The following LONP2 variants were observed in gnomAD, a reference collection of about 807,000 sequenced individuals.
LONP2 encodes lon protease homolog 2, peroxisomal.
In LONP2, 60 loss-of-function variants were observed where a neutral mutation model predicts 85.6. The observed-to-expected ratio is 0.70, with a 90% confidence interval of 0.57 to 0.87. The LOEUF is 0.87. Among genes scored for constraint, LONP2 ranks in the 40% least tolerant of loss-of-function variants. The pLI is 0.00. For missense variants in LONP2, 860 were observed against 1,063.5 expected, an observed-to-expected ratio of 0.81 and a Z score of 2.66; for synonymous variants, 395 against 389.7, an observed-to-expected ratio of 1.01 and a Z score of -0.16.
rs1201905699 is a variant in LONP2 at position 48,362,416 on chromosome 16, T to G, written c.*553T>G. On this transcript the variant is annotated 3_prime_UTR_variant, in exon 5 of 5. Coordinates refer to the LONP2 transcript ENST00000565867. This position sits in a 1 kb window ranked among gnomAD's most constrained non-coding sequence, Gnocchi z 4.2. ...GTACCGGTAGGTAATGCTGTAGCAG[T>G]CTGACGGCTCATTTCTGAAATAAAT... 1.2e-5 allele frequency: 19 copies of G among 1,613,976 alleles called. No individual in the cohort carries two copies. Among genetic ancestry groups the G allele is most frequent in the Non-Finnish European group, 1.4e-5 (17 of 1,179,980 alleles).
intron 11 of LONP2, among the ~76,000 whole-genome samples, chr16:48,331,489 T>C (rs902719989): frequency 2.0e-5 from 3 of 152,194 alleles, no homozygotes; most frequent in African/African-American, 7.2e-5. Flanking sequence ...AGAGGTACAA[T>C]TATGAGAATA....
chr16:48,296,100 C>T lies in LONP2; in HGVS notation c.1469C>T (p.Thr490Ile). ...FDLSQVLFIATANTTATIPAA... is the reference protein window; with the variant it reads ...FDLSQVLFIAIANTTATIPAA... ...CTTTCTCAAGTTCTTTTTATAGCTA[C>T]TGCCAACACCACTGCTACCATTCCA... Residue 490 changes from threonine to isoleucine, a missense_variant, in exon 9 of 15, where the codon ACT becomes ATT. Thr to Ile is a moderately conservative substitution (Grantham distance 89, BLOSUM62 -1). Around this residue, in one of 3 missense-constraint regions of LONP2, gnomAD observed 743 missense variants for 917.3 expected, o/e 0.81. Coordinates refer to ENST00000285737, the MANE Select transcript of LONP2 (RefSeq NM_031490.5). The T allele has an allele frequency of 6.2e-7, 1 of 1,614,156 alleles. No homozygotes were observed. Among genetic ancestry groups the T allele is most frequent in the South Asian group, 1.1e-5 (1 of 91,086 alleles).
Position 48,289,226 on chromosome 16 carries a change from G to A in LONP2, c.1384-6789G>A, listed in dbSNP as rs143109095. Among the ~76,000 whole-genome samples, 298 of 152,252 alleles carry A rather than the reference G, an allele frequency of 2.0e-3. 1 individual carries two copies. Among genetic ancestry groups the A allele is most frequent in the African/African-American group, 6.6e-3 (274 of 41,530 alleles). On this transcript the variant is annotated intron_variant, in intron 8 of 14. Coordinates refer to ENST00000285737, the MANE Select transcript of LONP2 (RefSeq NM_031490.5). ...TATTTGGCCAAGGTTGAGGACGCGC[G>A]CCCATGACACAGCCTCAGGAGGTCC... is the stretch of plus-strand genomic sequence containing the variant.
At chr16:48,330,671 A>C (rs1267082584) in intron 11 of LONP2, among the ~76,000 whole-genome samples, 3 of 152,180 alleles carry the variant, frequency 2.0e-5, no homozygotes, top group African/African-American at 7.2e-5. Context: ...TGCATTACAC[A>C]CAGTCCAGGG....
intron 5 of LONP2, among the ~76,000 whole-genome samples, chr16:48,262,305 G>A (rs1342313869): frequency 1.1e-4 from 16 of 152,270 alleles, no homozygotes; most frequent in Non-Finnish European, 2.1e-4. Flanking sequence ...ATTATGCATA[G>A]TTAGGCACTT....
intron 14 of LONP2, 152 bp downstream of exon 14, chr16:48,348,442 A>G: frequency 2.5e-6 from 1 of 404,902 alleles, no homozygotes. Flanking sequence ...CATATTTTAA[A>G]ATTTTGATCA....
intron 8 of LONP2, among the ~76,000 whole-genome samples, chr16:48,293,623 T>C (rs1434840737): frequency 6.6e-6 from 1 of 151,902 alleles, no homozygotes; most frequent in Non-Finnish European, 1.5e-5. Flanking sequence ...AGAATTGGGG[T>C]TACGGGGGAT....
intron 8 of LONP2, among the ~76,000 whole-genome samples, chr16:48,283,896 T>C (rs1164530258): frequency 1.3e-5 from 2 of 152,144 alleles, no homozygotes; most frequent in African/African-American, 4.8e-5. Flanking sequence ...CTAGAAAAGA[T>C]TCACCATTCT....
intron 6 of LONP2, among the ~76,000 whole-genome samples, chr16:48,265,530 G>A (rs1971971956): frequency 6.8e-6 from 1 of 147,048 alleles, no homozygotes; most frequent in Non-Finnish European, 1.5e-5. Flanking sequence ...TGACCTTCTA[G>A]GTAACTTTAT....
chr16:48,318,707 A>G (rs778785326), intron 11 of LONP2, among the ~76,000 whole-genome samples: 1 of 152,174 alleles, frequency 6.6e-6, no homozygotes. Context: ...TCAGAGTGTC[A>G]CAGAGGAGAG....
intron 8 of LONP2, among the ~76,000 whole-genome samples, chr16:48,286,127 T>A (rs1055419768): frequency 6.6e-6 from 1 of 151,840 alleles, no homozygotes; most frequent in Admixed American, 6.6e-5. Context: ...ATATTTATAG[T>A]AGCTGATTTG....
intron 12 of LONP2, chr16:48,336,645 G>A: frequency 9.0e-6 from 3 of 332,010 alleles, no homozygotes; most frequent in South Asian, 7.0e-5. Flanking sequence ...CAGTTGGGGA[G>A]CTTCTGAGCC....
chr16:48,267,121 G>A (rs1972006129), intron 6 of LONP2, among the ~76,000 whole-genome samples: 2 of 152,244 alleles, frequency 1.3e-5, no homozygotes, highest in Middle Eastern at 3.4e-3. Context: ...CACTAGAGAT[G>A]TGTAGCAGCC....
At chr16:48,287,469 GCA>G (rs1296793007) in intron 8 of LONP2, among the ~76,000 whole-genome samples, 2 of 152,212 alleles carry the variant, frequency 1.3e-5, no homozygotes, top group Non-Finnish European at 2.9e-5. Flanking sequence ...GTTGTTTTTG[GCA>G]AATGTCCTAA....
intron 8 of LONP2, among the ~76,000 whole-genome samples, chr16:48,287,500 A>G (rs1045154484): frequency 6.6e-6 from 1 of 152,242 alleles, no homozygotes; most frequent in African/African-American, 2.4e-5. Context: ...CTGTTCTCAC[A>G]GAGTGTTCTC....
intron 12 of LONP2, 124 bp from the exon 13 acceptor site, chr16:48,347,383 A>G (rs989621319): frequency 2.2e-5 from 18 of 836,822 alleles, no homozygotes; most frequent in Non-Finnish European, 3.4e-5. Flanking sequence ...CATGTTAGGT[A>G]ACAAGGACTT....
chr16:48,276,035 T>A (rs1215732960), intron 7 of LONP2, among the ~76,000 whole-genome samples: 1 of 152,190 alleles, frequency 6.6e-6, no homozygotes, highest in Non-Finnish European at 1.5e-5. Flanking sequence ...TTTAAAAAAA[T>A]TCCCTTCCCT....
At chr16:48,299,271 C>G (rs1423536878) in intron 9 of LONP2, among the ~76,000 whole-genome samples, 2 of 152,032 alleles carry the variant, frequency 1.3e-5, no homozygotes, top group Non-Finnish European at 2.9e-5. Flanking sequence ...TCCATTTAAT[C>G]TACATTTGAT....
At chr16:48,315,765 C>T (rs189787677) in intron 11 of LONP2, among the ~76,000 whole-genome samples, 1 of 151,752 alleles carries the variant, frequency 6.6e-6, no homozygotes, top group Non-Finnish European at 1.5e-5. Context: ...CATTTTTTTA[C>T]TCTTCCTTCT....
Sources: gnomAD v4.1 joint callset for allele counts (sites outside exome capture counted in the v4.1 genomes callset) on GRCh38, gnomAD v4.1.1 for gene constraint, gnomAD v4.1.1 regional missense constraint, Gnocchi (gnomAD v3.1) non-coding constraint, MANE v1.5 for transcripts, NCBI Gene and HGNC (gene_info 2026-07-23, HGNC 2026-07-21) for gene names.